The following PTPRO variants were observed in gnomAD, a reference collection of about 807,000 sequenced individuals.
The protein encoded by PTPRO is receptor-type tyrosine-protein phosphatase O.
In PTPRO, 62 loss-of-function variants were observed where a neutral mutation model predicts 145.2. That is an observed-to-expected ratio of 0.43 (90% CI 0.35 to 0.53). The LOEUF (loss-of-function observed/expected upper bound fraction) is 0.53. Among genes scored for constraint, PTPRO ranks in the 20% least tolerant of loss-of-function variants. The pLI is 0.01. For synonymous variants in PTPRO, 565 were observed against 514.7 expected, an observed-to-expected ratio of 1.10 and a Z score of -1.32; for missense variants, 1,345 against 1,482.7, an observed-to-expected ratio of 0.91 and a Z score of 1.53.
chr12:15,324,749 T>C (rs7304487), intron 1 of PTPRO, among the ~76,000 whole-genome samples: 56,111 of 151,994 alleles, frequency 0.37, 11,622 homozygotes, highest in African/African-American at 0.57. Context: ...TTCTATGTGC[T>C]GGTTTTTTAG....
chr12:15,531,046 A>G (rs1463097171), intron 12 of PTPRO, among the ~76,000 whole-genome samples: 1 of 152,128 alleles, frequency 6.6e-6, no homozygotes, highest in African/African-American at 2.4e-5. Flanking sequence ...ATAATAAGAG[A>G]CCTCATAAAT....
At chr12:15,383,304 CTTTT>C (rs1018096986) in intron 1 of PTPRO, among the ~76,000 whole-genome samples, 15 of 152,150 alleles carry the variant, frequency 9.9e-5, no homozygotes, top group Middle Eastern at 3.4e-3. Flanking sequence ...GAACTTTCTT[CTTTT>C]TTAAGACCAA....
chr12:15,437,862 G>A (rs370801691), intron 1 of PTPRO, among the ~76,000 whole-genome samples: 6 of 152,196 alleles, frequency 3.9e-5, no homozygotes, highest in African/African-American at 1.2e-4. Context: ...GGGACCTCCA[G>A]GCAGACCTGC....
chr12:15,508,912 G>A, intron 7 of PTPRO, 145 bp downstream of exon 7: 1 of 807,952 alleles, frequency 1.2e-6, no homozygotes, highest in Non-Finnish European at 2.1e-6. Context: ...AGCCAGAGGG[G>A]CCAGAAATGA....
chr12:15,445,917 G>C (rs530322102), intron 1 of PTPRO, among the ~76,000 whole-genome samples: 1 of 152,066 alleles, frequency 6.6e-6, no homozygotes, highest in Non-Finnish European at 1.5e-5. Flanking sequence ...AAACATATTA[G>C]CAAAATCTAA....
At chr12:15,548,936 G>A (rs1369781139) in intron 13 of PTPRO, among the ~76,000 whole-genome samples, 158 bp from the exon 14 acceptor site, 1 of 152,024 alleles carries the variant, frequency 6.6e-6, no homozygotes, top group South Asian at 2.1e-4. Flanking sequence ...TTGGTCAGAT[G>A]GGGAATGGGG....
chr12:15,404,052 C>T (rs888445128), intron 1 of PTPRO, among the ~76,000 whole-genome samples: 13 of 151,652 alleles, frequency 8.6e-5, no homozygotes, highest in Non-Finnish European at 1.2e-4. Flanking sequence ...AAAAAATAGC[C>T]GGGCGTGGTG....
At chr12:15,398,248 T>A (rs1412091843) in intron 1 of PTPRO, among the ~76,000 whole-genome samples, 1 of 152,212 alleles carries the variant, frequency 6.6e-6, no homozygotes, top group East Asian at 1.9e-4. Context: ...AGCAGCACAA[T>A]ATTGTTTGAA....
At chr12:15,503,830 TC>T in intron 5 of PTPRO, 77 bp from the exon 6 acceptor site, 1 of 1,212,744 alleles carries the variant, frequency 8.2e-7, no homozygotes, top group African/African-American at 1.5e-5. Flanking sequence ...TAATTTTTTT[TC>T]ATTAATCGAC....
At chr12:15,508,309 A>T (rs1456163038) in intron 6 of PTPRO, among the ~76,000 whole-genome samples, 1 of 152,162 alleles carries the variant, frequency 6.6e-6, no homozygotes, top group African/African-American at 2.4e-5. Flanking sequence ...ATTTACCAGA[A>T]TACTCTCACA....
At chr12:15,435,351 A>G (rs145878404) in intron 1 of PTPRO, among the ~76,000 whole-genome samples, 92 of 152,348 alleles carry the variant, frequency 6.0e-4, no homozygotes, top group African/African-American at 2.1e-3. Context: ...AAGGAAAAGT[A>G]TAAAAATTTT....
intron 8 of PTPRO, among the ~76,000 whole-genome samples, chr12:15,516,539 AGGAG>A (rs1166235966): frequency 7.3e-6 from 1 of 136,794 alleles, no homozygotes; most frequent in Non-Finnish European, 1.6e-5. Flanking sequence ...AAAAGATGAA[AGGAG>A]GGAGGGAGGG....
At chr12:15,489,831 G>C (rs1450166572) in intron 2 of PTPRO, among the ~76,000 whole-genome samples, 1 of 152,134 alleles carries the variant, frequency 6.6e-6, no homozygotes, top group African/African-American at 2.4e-5. Flanking sequence ...GCACTGGGAA[G>C]GCAGCACAGA....
At chr12:15,500,501 C>T (rs970967695) in intron 4 of PTPRO, among the ~76,000 whole-genome samples, 3 of 152,192 alleles carry the variant, frequency 2.0e-5, no homozygotes, top group African/African-American at 4.8e-5. Context: ...GAGACAGGAT[C>T]CTTGTGCTCA....
At chr12:15,565,654 A>G (rs1943879512) in intron 18 of PTPRO, 26 bp downstream of exon 18, 1 of 1,376,554 alleles carries the variant, frequency 7.3e-7, no homozygotes, top group Non-Finnish European at 1.0e-6. Context: ...TATGTCATTT[A>G]AAAGGATGTT....
At chr12:15,405,204 A>G (rs1939614038) in intron 1 of PTPRO, among the ~76,000 whole-genome samples, 1 of 152,220 alleles carries the variant, frequency 6.6e-6, no homozygotes, top group East Asian at 1.9e-4. Flanking sequence ...CATATGTTTA[A>G]GGGAGGAAAT....
intron 7 of PTPRO, among the ~76,000 whole-genome samples, chr12:15,513,095 G>A (rs202233354): frequency 0.38 from 6,985 of 18,264 alleles, 960 homozygotes; most frequent in African/African-American, 0.48. Context: ...AAAGAAAGAA[G>A]AAAGAAAGAA....
In PTPRO at chr12:15,442,641, G is replaced by C. The variant is rs1277992345; in HGVS notation, c.76-41333G>C. On this transcript the variant is annotated intron_variant, in intron 1 of 26. Transcript: ENST00000281171. ...CTTGGAACTGATAAATGACTTCAGC[G>C]AAGTTTCAGGATACAAAATCAATGT... 2.0e-5 allele frequency among the ~76,000 whole-genome samples: 3 copies of C among 152,138 alleles called. No homozygotes were observed. In the East Asian group the frequency reaches 5.8e-4, roughly 29 times the overall value.
At chr12:15,547,843 G>A (rs1943335195) in intron 13 of PTPRO, among the ~76,000 whole-genome samples, 1 of 152,108 alleles carries the variant, frequency 6.6e-6, no homozygotes, top group African/African-American at 2.4e-5. Flanking sequence ...AGAAAATGCT[G>A]ATGGCTCTCA....
Sources: allele counts gnomAD v4.1 joint callset (sites outside exome capture counted in the v4.1 genomes callset), GRCh38; gene constraint gnomAD v4.1.1; transcripts MANE v1.5; gene names NCBI Gene and HGNC (gene_info 2026-07-23, HGNC 2026-07-21).